GBE1: variants seen among roughly 807,000 people sequenced by gnomAD.
GBE1 encodes 1,4-alpha-glucan branching enzyme 1, also known as 1,4-alpha-glucan-branching enzyme.
In GBE1, 70 loss-of-function variants were observed where a neutral mutation model predicts 88.8. The ratio of observed to expected loss-of-function variants is 0.79; its 90% CI spans 0.65 to 0.96. The LOEUF is 0.96. Ranked by LOEUF, GBE1 falls within the 40% of genes least tolerant of loss-of-function variation. The probability of loss-of-function intolerance (pLI) is 0.00; values close to 1 mark genes in which losing one functional copy is unlikely to be tolerated. For synonymous variants in GBE1, 284 were observed against 300.1 expected (o/e 0.95, Z 0.56); for missense variants, 872 against 871.0 (o/e 1.00, Z -0.01).
At chr3:81,675,521 T>C (rs1382676596) in intron 2 of GBE1, among the ~76,000 whole-genome samples, 1 of 152,066 alleles carries the variant, frequency 6.6e-6, no homozygotes, top group Non-Finnish European at 1.5e-5. Context: ...TATTAGTGTC[T>C]ACAGATAATA....
intron 7 of GBE1, among the ~76,000 whole-genome samples, chr3:81,628,834 CT>C (rs1414747934): frequency 7.5e-6 from 1 of 132,688 alleles, no homozygotes; most frequent in Non-Finnish European, 1.6e-5. Flanking sequence ...CCCAGGATAA[CT>C]AAATTTTATA....
chr3:81,696,020 A>G (rs1705586614), intron 2 of GBE1, among the ~76,000 whole-genome samples: 1 of 152,190 alleles, frequency 6.6e-6, no homozygotes. Flanking sequence ...CAAAGAAGCA[A>G]GTTTCCTTTT....
In GBE1 at chr3:81,609,417, A is replaced by G. The variant is rs193104532; in HGVS notation, c.993-15394T>C. The stretch of plus-strand genomic sequence containing the variant: ...TACATCTGTCTGTCTCTTCACCCTC[A>G]AAAACACAGCTCAAAGCCAAAAAAA... On this transcript the variant is annotated intron_variant, in intron 7 of 15. Coordinates refer to ENST00000429644, the MANE Select transcript of GBE1 (RefSeq NM_000158.4). Among the ~76,000 whole-genome samples the G allele has an allele frequency of 1.4e-4, 21 of 152,266 alleles. No homozygotes were observed. In the East Asian group the frequency reaches 3.9e-3, roughly 28 times the overall value.
At chr3:81,757,399 T>G (rs1010230968) in intron 1 of GBE1, among the ~76,000 whole-genome samples, 1 of 152,222 alleles carries the variant, frequency 6.6e-6, no homozygotes, top group Non-Finnish European at 1.5e-5. Flanking sequence ...TATTTCAAAA[T>G]CCATTCTACT....
chr3:81,637,166 ATCTT>A (rs552748623), intron 7 of GBE1, among the ~76,000 whole-genome samples: 88 of 152,312 alleles, frequency 5.8e-4, no homozygotes, highest in Middle Eastern at 6.8e-3. Context: ...TGTGAATGTA[ATCTT>A]TCTTTCTCTC....
chr3:81,633,979 C>A (rs1704554950), intron 7 of GBE1, among the ~76,000 whole-genome samples: 3 of 152,068 alleles, frequency 2.0e-5, no homozygotes. Flanking sequence ...AATGTGGGCT[C>A]CTGACTTAAA....
intron 2 of GBE1, among the ~76,000 whole-genome samples, chr3:81,703,786 A>AT (rs1385020015): frequency 6.6e-6 from 1 of 151,934 alleles, no homozygotes; most frequent in East Asian, 1.9e-4. Context: ...TAAACAGTCT[A>AT]TTTTTTCTGG....
intron 9 of GBE1, among the ~76,000 whole-genome samples, chr3:81,587,478 G>T (rs549886701): frequency 6.6e-6 from 1 of 152,178 alleles, no homozygotes; most frequent in South Asian, 2.1e-4. Context: ...TTATGAGACA[G>T]TCCGCTCCTA....
At chr3:81,524,495 G>A (rs146199924) in intron 14 of GBE1, among the ~76,000 whole-genome samples, 747 of 151,732 alleles carry the variant, frequency 4.9e-3, no homozygotes, top group Middle Eastern at 0.014. Flanking sequence ...CATCTCATTT[G>A]TACATTTTTG....
intron 7 of GBE1, among the ~76,000 whole-genome samples, chr3:81,634,894 A>G (rs898263868): frequency 1.3e-5 from 2 of 152,116 alleles, no homozygotes; most frequent in Non-Finnish European, 2.9e-5. Flanking sequence ...AGAAGCTTCT[A>G]AAGCACCTAA....
At chr3:81,752,923 T>C (rs926731139) in intron 1 of GBE1, among the ~76,000 whole-genome samples, 6 of 152,204 alleles carry the variant, frequency 3.9e-5, no homozygotes, top group Non-Finnish European at 7.4e-5. Context: ...TAACTTGATA[T>C]ATTAGTTTGC....
intron 1 of GBE1, among the ~76,000 whole-genome samples, chr3:81,719,755 A>G (rs1244669382): frequency 1.3e-5 from 2 of 152,202 alleles, no homozygotes; most frequent in African/African-American, 4.8e-5. Context: ...TATGATATAT[A>G]GTTTCAAACA....
chr3:81,757,578 C>T (rs999460925), intron 1 of GBE1, among the ~76,000 whole-genome samples: 2 of 152,094 alleles, frequency 1.3e-5, no homozygotes, highest in African/African-American at 2.4e-5. Flanking sequence ...AAGTTAGGGG[C>T]TACAATTGAC....
At chr3:81,725,377 C>T (rs1706094711) in intron 1 of GBE1, among the ~76,000 whole-genome samples, 2 of 152,142 alleles carry the variant, frequency 1.3e-5, no homozygotes, top group East Asian at 3.9e-4. Flanking sequence ...ATCAATATCA[C>T]TGTCTTCCAC....
intron 15 of GBE1, 137 bp downstream of exon 15, chr3:81,498,973 T>C (rs1702550323): frequency 3.3e-6 from 2 of 612,068 alleles, no homozygotes; most frequent in Admixed American, 6.0e-5. Context: ...CCAAGCGTAG[T>C]CCCCTCTCCC....
rs547873194 is a variant in GBE1 at position 81,728,479 on chromosome 3, G to C, written c.144-22866C>G. The stretch of plus-strand genomic sequence containing the variant: ...TCACATCATCCAACTTTTCCTCTAA[G>C]AGCCAAGAGAGGCAGGTAATAACAG... On this transcript the variant is annotated intron_variant, in intron 1 of 15. Transcript: ENST00000429644. Among the ~76,000 whole-genome samples, 32 of 152,192 alleles carry C rather than the reference G, an allele frequency of 2.1e-4. No homozygotes were observed. In the South Asian group the frequency reaches 5.6e-3, roughly 27 times the overall value.
intron 14 of GBE1, among the ~76,000 whole-genome samples, chr3:81,514,263 CATA>C (rs1017699000): frequency 1.5e-4 from 22 of 151,174 alleles, no homozygotes; most frequent in African/African-American, 5.3e-4. Context: ...TACATACAAA[CATA>C]ATAATTTTTC....
chr3:81,498,484 A>G (rs1051322425), intron 15 of GBE1, among the ~76,000 whole-genome samples: 3 of 152,208 alleles, frequency 2.0e-5, no homozygotes, highest in South Asian at 2.1e-4. Context: ...TAAATTCTAC[A>G]TATTTTAAAG....
chr3:81,631,842 T>C (rs1412921544), intron 7 of GBE1, among the ~76,000 whole-genome samples: 1 of 152,146 alleles, frequency 6.6e-6, no homozygotes, highest in Non-Finnish European at 1.5e-5. Flanking sequence ...CTGGGATACA[T>C]GTGCAGAATG....
Sources: allele counts gnomAD v4.1 joint callset (sites outside exome capture counted in the v4.1 genomes callset), GRCh38; gene constraint gnomAD v4.1.1; transcripts MANE v1.5; gene names NCBI Gene and HGNC (gene_info 2026-07-23, HGNC 2026-07-21).